Variants in NLRP11 observed in about 807,000 individuals in gnomAD.
NLRP11 encodes NLR family pyrin domain containing 11.
Under a neutral mutation model 79.3 loss-of-function variants are expected in NLRP11, and 53 were observed. The observed-to-expected ratio is 0.67, with a 90% CI of 0.54 to 0.84. The LOEUF is 0.84. Among genes scored for constraint, NLRP11 ranks in the 40% least tolerant of loss-of-function variants. The pLI, the probability that NLRP11 is intolerant of heterozygous loss-of-function variation, is 0.00. For missense variants in NLRP11, 1,264 were observed against 1,255.0 expected, an observed-to-expected ratio of 1.01 and a Z score of -0.11; for synonymous variants, 518 against 462.6, an observed-to-expected ratio of 1.12 and a Z score of -1.54.
chr19:55,796,917 G>A (rs185955328), intron 5 of NLRP11, among the ~76,000 whole-genome samples: 23 of 152,050 alleles, frequency 1.5e-4, no homozygotes, highest in Admixed American at 9.2e-4. Context: ...TTGAACTCCC[G>A]GCCTCAGGGG....
At chr19:55,815,304 G>A (rs1047167763) in intron 2 of NLRP11, among the ~76,000 whole-genome samples, 4 of 152,110 alleles carry the variant, frequency 2.6e-5, no homozygotes, top group Non-Finnish European at 5.9e-5. Flanking sequence ...CGAGGCGGGC[G>A]GATCACCTGA....
intron 6 of NLRP11, among the ~76,000 whole-genome samples, chr19:55,793,647 G>T (rs1201463252): frequency 2.7e-5 from 4 of 149,934 alleles, no homozygotes; most frequent in Non-Finnish European, 5.9e-5. Context: ...TATGGGAAAA[G>T]GGTACACTAG....
intron 5 of NLRP11, among the ~76,000 whole-genome samples, chr19:55,796,592 C>T (rs1337197450): frequency 6.6e-6 from 1 of 152,146 alleles, no homozygotes; most frequent in African/African-American, 2.4e-5. Flanking sequence ...TAAATCTGAT[C>T]AAGACCCTCA....
intron 4 of NLRP11, among the ~76,000 whole-genome samples, chr19:55,805,835 C>T (rs1018605098): frequency 3.3e-5 from 5 of 152,198 alleles, no homozygotes; most frequent in Non-Finnish European, 5.9e-5. Context: ...CCACTGCACC[C>T]GCCCTAAAAG....
Position 55,792,503 on chromosome 19 carries a change from T to C in NLRP11, c.2343-32A>G, listed in dbSNP as rs199476240. The C allele has an allele frequency of 3.1e-6, 5 of 1,602,396 alleles. No individual in the cohort carries two copies. On this transcript the variant is annotated intron_variant, in intron 6 of 9. Transcript: ENST00000589093. ...ACAGAGAAGAGTGAGTCAGTGACAG[T>C]GTGAGCACCAGAGAGGGGAGCACCT...
At chr19:55,789,252 G>C (rs1990092936) in exon 8 of NLRP11, 1 of 1,613,104 alleles carries the variant, frequency 6.2e-7, no homozygotes, top group Non-Finnish European at 8.5e-7. Context: ...ACATGCAGTT[G>C]GGATGTCTCA....
At chr19:55,834,788 A>G (rs1983089054), upstream of NLRP11, among the ~76,000 whole-genome samples, 2 of 152,210 alleles carry the variant, frequency 1.3e-5, no homozygotes, top group Non-Finnish European at 2.9e-5. Context: ...CTAGAAATGA[A>G]CCGCAGCTAT....
chr19:55,820,850 T>TA (rs1981626242), intron 1 of NLRP11, among the ~76,000 whole-genome samples: 1 of 152,064 alleles, frequency 6.6e-6, no homozygotes, highest in African/African-American at 2.4e-5. Context: ...CATACAGGTG[T>TA]CGTGTTGGCT....
intron 2 of NLRP11, among the ~76,000 whole-genome samples, chr19:55,811,098 T>C (rs774326120): frequency 6.6e-6 from 1 of 152,212 alleles, no homozygotes; most frequent in Non-Finnish European, 1.5e-5. Context: ...AGTTACACGT[T>C]CATCTTCCCT....
At chr19:55,832,931 G>A (rs1368221076), upstream of NLRP11, 4 of 152,096 alleles carry the variant, frequency 2.6e-5, no homozygotes, top group East Asian at 1.9e-4. Flanking sequence ...AGAAAGAGGC[G>A]AAATTATCAT....
At position 55,798,746 on chromosome 19, in the gene NLRP11, ACACACT is replaced by A. The variant is rs1045985064; in HGVS notation, c.2172-2502_2172-2497del. Among the ~76,000 whole-genome samples, 207 of 144,094 alleles carry A rather than the reference ACACACT, an allele frequency of 1.4e-3. 2 individuals carry two copies. Among genetic ancestry groups the A allele is most frequent in the African/African-American group, 5.9e-3 (200 of 34,052 alleles). The allele number at this position is 144,094 out of a possible 152,430, so 94.5% of individuals were successfully genotyped here. A position where few individuals can be genotyped will look rare whatever the true frequency, so the allele number is the denominator to read the frequency against. On this transcript the variant is annotated intron_variant, in intron 5 of 9. Transcript: ENST00000589093. ...TATGTTTTGCTTCAAACACACACAC[ACACACT>A]CACACACACACACACACCGGAAAAC...
chr19:55,785,853 C>T, exon 10 of NLRP11: 5 of 1,613,520 alleles, frequency 3.1e-6, no homozygotes, highest in Middle Eastern at 3.3e-4. Context: ...TTTGTGTGTT[C>T]AGGCCAGTTA....
intron 5 of NLRP11, chr19:55,798,149 G>A (rs8104541): frequency 0.022 from 3,417 of 157,568 alleles, 126 homozygotes; most frequent in African/African-American, 0.079. Flanking sequence ...ACAGGCATGC[G>A]CCATCATACT....
chr19:55,836,165 C>T (rs1464633091), upstream of NLRP11, among the ~76,000 whole-genome samples: 1 of 152,142 alleles, frequency 6.6e-6, no homozygotes, highest in African/African-American at 2.4e-5. Flanking sequence ...GGTTTAGTTA[C>T]GGCAGAAAGA....
chr19:55,809,659 C>T lies in NLRP11; in HGVS notation c.951G>A (p.Gln317=), dbSNP rs374485846. 6.2e-7 allele frequency: 1 copy of T among 1,614,102 alleles called. No homozygotes were observed. The highest frequency in any genetic ancestry group is 8.5e-7 in the Non-Finnish European group (1 of 1,179,974). Residue 317 remains glutamine (Q), a synonymous_variant, in exon 3 of 10, where the codon CAG becomes CAA. Coordinates refer to ENST00000589093, the Ensembl canonical transcript of NLRP11. This position sits in a 1 kb window ranked among gnomAD's most constrained non-coding sequence, Gnocchi z 4.5. ...CAAGCTGGAGGGCTGCCGACGCCCTCTGGCGGTCTTTAAAGAAAGAGTTAA... is the reference window on the plus strand; with the variant it reads ...CAAGCTGGAGGGCTGCCGACGCCCTTTGGCGGTCTTTAAAGAAAGAGTTAA...
intron 4 of NLRP11, among the ~76,000 whole-genome samples, chr19:55,805,700 C>T (rs1337957000): frequency 4.6e-5 from 7 of 151,990 alleles, no homozygotes; most frequent in African/African-American, 9.7e-5. Flanking sequence ...CCGCCACACC[C>T]GGCTAATTTT....
exon 4 of NLRP11, chr19:55,807,858 T>C: frequency 6.2e-7 from 1 of 1,607,510 alleles, no homozygotes; most frequent in Non-Finnish European, 8.5e-7. Context: ...CTTACTTGAG[T>C]GTGCGAAGTT....
chr19:55,795,447 T>C (rs1978738877), intron 6 of NLRP11, among the ~76,000 whole-genome samples: 1 of 152,166 alleles, frequency 6.6e-6, no homozygotes, highest in South Asian at 2.1e-4. Flanking sequence ...AGTCAGTTGC[T>C]ATGGCCTAGG....
intron 2 of NLRP11, 124 bp from the exon 3 acceptor site, chr19:55,810,462 T>A: frequency 1.3e-6 from 1 of 781,886 alleles, no homozygotes; most frequent in Non-Finnish European, 2.1e-6. Context: ...TTACTACTGC[T>A]TATCACAAAG....
Sources: allele counts gnomAD v4.1 joint callset (sites outside exome capture counted in the v4.1 genomes callset), GRCh38; gene constraint gnomAD v4.1.1; non-coding constraint Gnocchi (gnomAD v3.1); transcripts MANE v1.5; gene names NCBI Gene and HGNC (gene_info 2026-07-23, HGNC 2026-07-21).